Variants in HAPSTR1 observed in about 807,000 individuals in gnomAD.
HAPSTR1 encodes HUWE1 associated protein modifying stress responses, also known as HUWE1-associated protein modifying stress responses 1.
the HAPSTR1 span, chr16:9,105,610 A>T: frequency 2.0e-5 from 3 of 152,238 alleles, no homozygotes. Context: ...GTCTGAAGTG[A>T]AAACTGTTAA....
At chr16:9,092,203 G>T in the HAPSTR1 span, 1 of 1,587,378 alleles carries the variant, frequency 6.3e-7, no homozygotes, top group Non-Finnish European at 8.6e-7. Context: ...CGCAGCCCGA[G>T]CACAAGCAGC....
the HAPSTR1 span, among the ~76,000 whole-genome samples, chr16:9,100,781 C>A: frequency 6.6e-5 from 10 of 152,244 alleles, no homozygotes; most frequent in South Asian, 1.9e-3. Context: ...GTGATCCACC[C>A]ACCTTGGCCT....
the HAPSTR1 span, chr16:9,116,932 C>A: frequency 6.2e-7 from 1 of 1,611,032 alleles, no homozygotes; most frequent in Non-Finnish European, 8.5e-7. Flanking sequence ...ATTTTCACAC[C>A]CACCATGCTG....
chr16:9,094,911 T>G, the HAPSTR1 span, among the ~76,000 whole-genome samples: 3 of 152,240 alleles, frequency 2.0e-5, no homozygotes, highest in Non-Finnish European at 4.4e-5. Flanking sequence ...CCTAGCAGTT[T>G]TCGTTAGTGC....
At chr16:9,092,087 C>G in the HAPSTR1 span, 1 of 1,542,556 alleles carries the variant, frequency 6.5e-7, no homozygotes, top group Non-Finnish European at 8.7e-7. Context: ...GATCCAGGAG[C>G]ACGGGCCCGA....
chr16:9,110,663 C>G, the HAPSTR1 span: 2 of 152,214 alleles, frequency 1.3e-5, no homozygotes, highest in Non-Finnish European at 2.9e-5. Context: ...ACTCTTCTAC[C>G]TCTTCCATCA....
chr16:9,109,803 AAGC>A, the HAPSTR1 span: 1 of 151,076 alleles, frequency 6.6e-6, no homozygotes, highest in African/African-American at 2.5e-5. Context: ...TTTTTTTTTT[AAGC>A]AGTACTTTGT....
the HAPSTR1 span, chr16:9,111,636 A>T: frequency 6.6e-6 from 1 of 152,158 alleles, no homozygotes. Flanking sequence ...TTGCAGTGAA[A>T]AGGGCCATGT....
the HAPSTR1 span, among the ~76,000 whole-genome samples, chr16:9,099,939 TG>T: frequency 6.6e-6 from 1 of 152,328 alleles, no homozygotes; most frequent in African/African-American, 2.4e-5. Flanking sequence ...ACCATTTACA[TG>T]GGACTTTGTA....
chr16:9,103,344 G>C, the HAPSTR1 span: 20 of 1,399,352 alleles, frequency 1.4e-5, no homozygotes, highest in African/African-American at 2.8e-4. Context: ...TTTAGGTCCA[G>C]ATATACTGTT....
the HAPSTR1 span, chr16:9,110,370 G>A: frequency 6.6e-6 from 1 of 152,136 alleles, no homozygotes; most frequent in African/African-American, 2.4e-5. Context: ...TAACTAATTT[G>A]TCACATCCAA....
chr16:9,098,522 AT>A, the HAPSTR1 span, among the ~76,000 whole-genome samples: 4 of 152,086 alleles, frequency 2.6e-5, no homozygotes, highest in Non-Finnish European at 4.4e-5. Flanking sequence ...GAAACAGTAC[AT>A]TTTCTTTACT....
chr16:9,117,339 A>G, the HAPSTR1 span: 1 of 179,534 alleles, frequency 5.6e-6, no homozygotes, highest in African/African-American at 2.4e-5. Context: ...AAAATTGTCT[A>G]AAAACATGAT....
At chr16:9,111,183 C>A in the HAPSTR1 span, 1 of 152,246 alleles carries the variant, frequency 6.6e-6, no homozygotes, top group East Asian at 1.9e-4. Context: ...CCCACACTCT[C>A]AGCAGTGTGT....
the HAPSTR1 span, chr16:9,111,653 C>T: frequency 6.6e-6 from 1 of 152,180 alleles, no homozygotes; most frequent in East Asian, 1.9e-4. Context: ...ATGTAGCATG[C>T]CTCAAAGCCA....
At chr16:9,121,489 A>T in the HAPSTR1 span, 1 of 152,202 alleles carries the variant, frequency 6.6e-6, no homozygotes, top group African/African-American at 2.4e-5. Flanking sequence ...TGCTCGTATG[A>T]AGGAAGACTT....
the HAPSTR1 span, among the ~76,000 whole-genome samples, chr16:9,101,378 A>T: frequency 4.6e-5 from 7 of 152,192 alleles, no homozygotes; most frequent in South Asian, 6.2e-4. Context: ...AAGTTACTTC[A>T]CTCTTGAGCT....
the HAPSTR1 span, among the ~76,000 whole-genome samples, chr16:9,098,039 T>A: frequency 6.6e-6 from 1 of 152,160 alleles, no homozygotes; most frequent in African/African-American, 2.4e-5. Context: ...GTTATTAAGA[T>A]GCTCCCCCAG....
At chr16:9,105,270 G>A in the HAPSTR1 span, 8 of 152,180 alleles carry the variant, frequency 5.3e-5, no homozygotes, top group South Asian at 1.2e-3. Context: ...GGAAGAAAAT[G>A]ATCTTTACCT....
Sources: gnomAD v4.1 joint callset for allele counts (sites outside exome capture counted in the v4.1 genomes callset) on GRCh38, gnomAD v4.1.1 for gene constraint, MANE v1.5 for transcripts, NCBI Gene and HGNC (gene_info 2026-07-23, HGNC 2026-07-21) for gene names.